KAZN: variants seen among roughly 807,000 people sequenced by gnomAD.
KAZN encodes the protein kazrin.
KAZN carries 40 observed loss-of-function variants against 87.4 expected under a neutral mutation model. The ratio of observed to expected loss-of-function variants is 0.46; its 90% confidence interval spans 0.36 to 0.60. KAZN has a LOEUF of 0.60. Among genes scored for constraint, KAZN ranks in the 20% least tolerant of loss-of-function variants. KAZN has a pLI of 0.00. For missense variants in KAZN, 898 were observed against 1,073.9 expected (o/e 0.84, Z 2.29); for synonymous variants, 466 against 458.3 (o/e 1.02, Z -0.22).
intron 1 of KAZN, among the ~76,000 whole-genome samples, chr1:14,061,978 T>C (rs773503923): frequency 2.6e-5 from 4 of 152,130 alleles, no homozygotes; most frequent in Non-Finnish European, 5.9e-5. Flanking sequence ...AAGTCTGGAA[T>C]TCACATAATA....
chr1:14,081,439 C>T lies in KAZN; in HGVS notation c.92-98996C>T, dbSNP rs114334822. The stretch of plus-strand genomic sequence containing the variant: ...GCCATACCTAGGATGATTTAAATCA[C>T]GAGTATGGCCAATGGGTCAAATCTC... On this transcript the variant is annotated intron_variant, in intron 1 of 16. Coordinates refer to the KAZN transcript ENST00000636203. Among the ~76,000 whole-genome samples the T allele has an allele frequency of 5.2e-3, 789 of 152,102 alleles. 13 individuals carry two copies. The highest frequency in any genetic ancestry group is 0.018 in the African/African-American group (754 of 41,490).
At chr1:14,982,530 G>A (rs1235900448) in intron 2 of KAZN, among the ~76,000 whole-genome samples, 1 of 148,948 alleles carries the variant, frequency 6.7e-6, no homozygotes, top group Non-Finnish European at 1.5e-5. Context: ...CCCAGGTTCA[G>A]GCAATTCTCC....
At chr1:14,195,511 TCACACACACACACACACACACA>T (rs55792359) in intron 2 of KAZN, among the ~76,000 whole-genome samples, 3 of 146,090 alleles carry the variant, frequency 2.1e-5, no homozygotes, top group Non-Finnish European at 4.5e-5. Context: ...CAAAAACGGC[TCACACACACACACACACACACA>T]CACACACACA....
intron 1 of KAZN, among the ~76,000 whole-genome samples, chr1:13,903,676 G>A (rs1639330790): frequency 6.6e-6 from 1 of 152,172 alleles, no homozygotes. Context: ...GAAAGAACTG[G>A]TCTGGGGACA....
intron 1 of KAZN, among the ~76,000 whole-genome samples, chr1:14,097,090 G>A (rs1006595655): frequency 2.6e-5 from 4 of 152,226 alleles, no homozygotes; most frequent in African/African-American, 9.6e-5. Flanking sequence ...TGTAGGGGAA[G>A]AGAGATCCTG....
intron 1 of KAZN, among the ~76,000 whole-genome samples, chr1:14,928,720 C>T (rs1044537241): frequency 2.0e-5 from 3 of 152,282 alleles, no homozygotes; most frequent in African/African-American, 7.2e-5. Context: ...CCCACTAGGA[C>T]CCATTGGTGG....
intron 1 of KAZN, among the ~76,000 whole-genome samples, chr1:14,631,987 G>C (rs1054648225): frequency 1.3e-5 from 2 of 152,174 alleles, no homozygotes; most frequent in Non-Finnish European, 2.9e-5. Flanking sequence ...AAGACAAAAT[G>C]ACACATTTTC....
At chr1:14,884,594 ATT>A (rs1653836458) in intron 1 of KAZN, among the ~76,000 whole-genome samples, 1 of 152,218 alleles carries the variant, frequency 6.6e-6, no homozygotes, top group African/African-American at 2.4e-5. Flanking sequence ...GGCTGGGTGC[ATT>A]TTCGAAGGTC....
intron 3 of KAZN, among the ~76,000 whole-genome samples, chr1:15,040,586 C>T (rs983523150): frequency 1.3e-5 from 2 of 152,014 alleles, no homozygotes; most frequent in African/African-American, 4.8e-5. Context: ...GCCAACATGA[C>T]AAAAGCCTGC....
At chr1:14,698,958 C>T (rs1185725774) in intron 1 of KAZN, among the ~76,000 whole-genome samples, 1 of 150,810 alleles carries the variant, frequency 6.6e-6, no homozygotes, top group Non-Finnish European at 1.5e-5. Context: ...TTTGGACTGA[C>T]CAGGGACAAG....
At chr1:14,925,264 T>G (rs1041544514) in intron 1 of KAZN, among the ~76,000 whole-genome samples, 6 of 152,032 alleles carry the variant, frequency 3.9e-5, no homozygotes, top group Non-Finnish European at 5.9e-5. Context: ...AGTTAGGGCA[T>G]GGGGATGGGA....
intron 2 of KAZN, among the ~76,000 whole-genome samples, chr1:14,545,090 C>A (rs1673058204): frequency 6.6e-6 from 1 of 152,146 alleles, no homozygotes; most frequent in East Asian, 1.9e-4. Context: ...AGACATTTTC[C>A]CCCACAAAAT....
At chr1:14,854,564 G>C (rs560495311) in intron 1 of KAZN, among the ~76,000 whole-genome samples, 18 of 152,216 alleles carry the variant, frequency 1.2e-4, no homozygotes, top group African/African-American at 4.1e-4. Flanking sequence ...GAGTGTCCTG[G>C]CTTTATGACA....
intron 2 of KAZN, among the ~76,000 whole-genome samples, chr1:14,375,307 T>C (rs1660808073): frequency 6.6e-6 from 1 of 152,122 alleles, no homozygotes; most frequent in Non-Finnish European, 1.5e-5. Context: ...GCCCCAGGTA[T>C]GCTAGACACC....
At chr1:14,490,242 T>C (rs889313434) in intron 2 of KAZN, among the ~76,000 whole-genome samples, 1 of 152,252 alleles carries the variant, frequency 6.6e-6, no homozygotes, top group African/African-American at 2.4e-5. Flanking sequence ...CTTTTTGATC[T>C]TTGAGACCCT....
At chr1:14,496,224 A>G (rs1669935168) in intron 2 of KAZN, among the ~76,000 whole-genome samples, 1 of 152,194 alleles carries the variant, frequency 6.6e-6, no homozygotes, top group South Asian at 2.1e-4. Context: ...CCATATTTAT[A>G]AAAAATCCCT....
At chr1:14,361,031 GCA>G (rs973006182) in intron 2 of KAZN, among the ~76,000 whole-genome samples, 17 of 152,322 alleles carry the variant, frequency 1.1e-4, no homozygotes, top group African/African-American at 3.8e-4. Flanking sequence ...TGCTGAAGCT[GCA>G]CAGCTGCCCC....
At chr1:14,847,389 A>C (rs556040677) in intron 1 of KAZN, among the ~76,000 whole-genome samples, 4 of 152,308 alleles carry the variant, frequency 2.6e-5, no homozygotes, top group African/African-American at 9.6e-5. Flanking sequence ...CTCTGCCCAG[A>C]GTCTCAAAGC....
chr1:14,877,574 C>T (rs147716846), intron 1 of KAZN, among the ~76,000 whole-genome samples: 206 of 152,280 alleles, frequency 1.4e-3, no homozygotes, highest in African/African-American at 4.1e-3. Flanking sequence ...TCCTTGGTCA[C>T]GGCAAAGACT....
Sources: gnomAD v4.1 joint callset for allele counts (sites outside exome capture counted in the v4.1 genomes callset) on GRCh38, gnomAD v4.1.1 for gene constraint, MANE v1.5 for transcripts, NCBI Gene and HGNC (gene_info 2026-07-23, HGNC 2026-07-21) for gene names.